CSNK2A2IP: variants seen among roughly 807,000 people sequenced by gnomAD.
CSNK2A2IP encodes casein kinase II subunit alpha'-interacting protein.
At chr3:88,374,097 TTGGA>T in the CSNK2A2IP span, among the ~76,000 whole-genome samples, 1 of 151,630 alleles carries the variant, frequency 6.6e-6, no homozygotes. Context: ...CACTTAGCTG[TTGGA>T]TGGAGAACAG....
At chr3:88,392,507 C>A in the CSNK2A2IP span, among the ~76,000 whole-genome samples, 1 of 151,962 alleles carries the variant, frequency 6.6e-6, no homozygotes, top group Non-Finnish European at 1.5e-5. Flanking sequence ...GAGAAATAGT[C>A]AAAAAGCTAA....
chr3:88,395,383 T>C, the CSNK2A2IP span, among the ~76,000 whole-genome samples: 1 of 152,222 alleles, frequency 6.6e-6, no homozygotes, highest in Non-Finnish European at 1.5e-5. Context: ...TAGTGTTTTC[T>C]GTAATGATTT....
At chr3:88,439,095 T>C in the CSNK2A2IP span, among the ~76,000 whole-genome samples, 142 of 152,304 alleles carry the variant, frequency 9.3e-4, no homozygotes, top group African/African-American at 3.2e-3. Context: ...ATCTTTTCCA[T>C]GAAATCTTTT....
the CSNK2A2IP span, among the ~76,000 whole-genome samples, chr3:88,399,351 G>A: frequency 6.6e-6 from 1 of 151,978 alleles, no homozygotes; most frequent in African/African-American, 2.4e-5. Flanking sequence ...AAATATATAT[G>A]TCACCAATAT....
the CSNK2A2IP span, among the ~76,000 whole-genome samples, chr3:88,417,720 T>C: frequency 1.3e-5 from 2 of 152,210 alleles, no homozygotes; most frequent in Non-Finnish European, 1.5e-5. Flanking sequence ...CTGTCAACTG[T>C]AGGTCCTGGT....
At chr3:88,415,197 C>A in the CSNK2A2IP span, among the ~76,000 whole-genome samples, 1 of 151,918 alleles carries the variant, frequency 6.6e-6, no homozygotes, top group East Asian at 1.9e-4. Flanking sequence ...GACTTAAAAC[C>A]CCCAAACTCA....
the CSNK2A2IP span, among the ~76,000 whole-genome samples, chr3:88,387,448 C>A: frequency 1.3e-5 from 2 of 152,122 alleles, no homozygotes; most frequent in African/African-American, 4.8e-5. Context: ...GGATTACAGG[C>A]ATGAGCTACT....
At chr3:88,378,069 T>C in the CSNK2A2IP span, among the ~76,000 whole-genome samples, 2 of 151,962 alleles carry the variant, frequency 1.3e-5, no homozygotes, top group Non-Finnish European at 2.9e-5. Context: ...ATACCATATT[T>C]CAAGACATGC....
chr3:88,404,900 C>G, the CSNK2A2IP span, among the ~76,000 whole-genome samples: 1 of 152,124 alleles, frequency 6.6e-6, no homozygotes, highest in Admixed American at 6.6e-5. Context: ...TTAGCAAGAA[C>G]CTTGCTAAGT....
chr3:88,456,901 G>A, the CSNK2A2IP span, among the ~76,000 whole-genome samples: 69 of 151,868 alleles, frequency 4.5e-4, 2 homozygotes, highest in South Asian at 0.014. Context: ...TGGTCTTTCA[G>A]CTTTTTTCCT....
chr3:88,427,779 C>T, the CSNK2A2IP span, among the ~76,000 whole-genome samples: 1 of 152,150 alleles, frequency 6.6e-6, no homozygotes, highest in Non-Finnish European at 1.5e-5. Flanking sequence ...GGTTTTATAC[C>T]TGTATGTCCA....
chr3:88,376,280 C>CCTGA, the CSNK2A2IP span, among the ~76,000 whole-genome samples: 5 of 151,658 alleles, frequency 3.3e-5, no homozygotes, highest in African/African-American at 1.2e-4. Context: ...AATCAATTTC[C>CCTGA]TGCCTTTCTT....
chr3:88,435,025 T>C, the CSNK2A2IP span, among the ~76,000 whole-genome samples: 1 of 152,142 alleles, frequency 6.6e-6, no homozygotes, highest in Admixed American at 6.6e-5. Context: ...ATGTCAGATG[T>C]GGCCTAGGAG....
the CSNK2A2IP span, among the ~76,000 whole-genome samples, chr3:88,375,457 G>T: frequency 6.6e-5 from 10 of 151,780 alleles, no homozygotes; most frequent in Non-Finnish European, 8.8e-5. Context: ...GCCTCTGGTT[G>T]TGAGCACTTG....
At chr3:88,389,103 T>C in the CSNK2A2IP span, among the ~76,000 whole-genome samples, 2 of 152,114 alleles carry the variant, frequency 1.3e-5, no homozygotes, top group African/African-American at 4.8e-5. Context: ...TATATAACTA[T>C]ATTAGATGAT....
chr3:88,403,013 C>T, the CSNK2A2IP span, among the ~76,000 whole-genome samples: 1 of 151,944 alleles, frequency 6.6e-6, no homozygotes, highest in African/African-American at 2.4e-5. Context: ...ATTATTTAAC[C>T]CTATGTCCTA....
At chr3:88,439,882 G>A in the CSNK2A2IP span, among the ~76,000 whole-genome samples, 5 of 152,162 alleles carry the variant, frequency 3.3e-5, no homozygotes, top group Admixed American at 3.3e-4. Flanking sequence ...GTTTACACAT[G>A]AGTAGTCACA....
chr3:88,459,698 G>A, the CSNK2A2IP span, among the ~76,000 whole-genome samples: 2 of 152,004 alleles, frequency 1.3e-5, no homozygotes, highest in Admixed American at 6.6e-5. Context: ...GCTTTCATAT[G>A]TTTGTTATCA....
At chr3:88,456,196 T>C in the CSNK2A2IP span, among the ~76,000 whole-genome samples, 1 of 152,094 alleles carries the variant, frequency 6.6e-6, no homozygotes, top group African/African-American at 2.4e-5. Flanking sequence ...TATGTTTCCA[T>C]GAATTTTGCA....
Sources: allele counts gnomAD v4.1 joint callset (sites outside exome capture counted in the v4.1 genomes callset), GRCh38; gene constraint gnomAD v4.1.1; transcripts MANE v1.5; gene names NCBI Gene and HGNC (gene_info 2026-07-23, HGNC 2026-07-21).